OR7C1: variants seen among roughly 807,000 people sequenced by gnomAD.
The protein encoded by OR7C1 is olfactory receptor 7C1.
For synonymous variants in OR7C1, 152 were observed against 160.7 expected, an observed-to-expected ratio of 0.95 and a Z score of 0.41; for missense variants, 324 against 383.3, an observed-to-expected ratio of 0.85 and a Z score of 1.29.
intron 1 of OR7C1, among the ~76,000 whole-genome samples, chr19:14,830,946 A>G (rs568269276): frequency 9.2e-5 from 14 of 152,302 alleles, no homozygotes; most frequent in African/African-American, 2.6e-4. Flanking sequence ...TCAGTACCGC[A>G]CAAAGCCCTC....
chr19:14,801,791 CAGAG>C (rs367838678), intron 2 of OR7C1, among the ~76,000 whole-genome samples: 6 of 151,330 alleles, frequency 4.0e-5, no homozygotes, highest in Admixed American at 1.3e-4. Flanking sequence ...CACATGGCAG[CAGAG>C]AGAGAGAGAG....
At chr19:14,822,288 A>T (rs1014304434) in intron 1 of OR7C1, among the ~76,000 whole-genome samples, 1 of 149,132 alleles carries the variant, frequency 6.7e-6, no homozygotes, top group African/African-American at 2.5e-5. Flanking sequence ...ACTATTTTCT[A>T]TAATGCTTGT....
At chr19:14,798,970 G>T (rs1341612155) in exon 5 of OR7C1, 2 of 523,264 alleles carry the variant, frequency 3.8e-6, no homozygotes, top group Admixed American at 3.8e-5. Context: ...GAAAAGAAAT[G>T]ATTTTGAGGG....
In OR7C1 at chr19:14,812,110, C is replaced by T. The variant is rs527727409; in HGVS notation, c.-622-2117G>A. ...GCTGGGATGGTTCTACTCCATATGT[C>T]TTGTCAGTGGATTAGCAAGGGCATG... On this transcript the variant is annotated intron_variant, in intron 1 of 4. Transcript: ENST00000641666. 1.5e-4 allele frequency among the ~76,000 whole-genome samples: 22 copies of T among 150,198 alleles called. No homozygotes were observed. In the South Asian group the frequency reaches 4.6e-3, roughly 31 times the overall value.
chr19:14,802,795 G>A (rs984810720), intron 2 of OR7C1, among the ~76,000 whole-genome samples: 1 of 152,188 alleles, frequency 6.6e-6, no homozygotes, highest in Non-Finnish European at 1.5e-5. Context: ...TAGAGGTGAA[G>A]CTCTGTCGTT....
exon 5 of OR7C1, chr19:14,799,273 G>A (rs1307273226): frequency 1.2e-6 from 2 of 1,614,128 alleles, no homozygotes; most frequent in South Asian, 2.2e-5. Context: ...GGCTGTAGAT[G>A]AAGGGGTTCA....
chr19:14,814,408 G>A (rs1291936240), intron 1 of OR7C1, among the ~76,000 whole-genome samples: 1 of 151,386 alleles, frequency 6.6e-6, no homozygotes, highest in African/African-American at 2.4e-5. Context: ...CAGGAATATG[G>A]AAAATGCTCC....
intron 1 of OR7C1, among the ~76,000 whole-genome samples, chr19:14,832,526 A>C (rs565624277): frequency 3.7e-3 from 559 of 151,460 alleles, no homozygotes; most frequent in Non-Finnish European, 6.3e-3. Flanking sequence ...TCCTGGGTTC[A>C]AGCGATTCTC....
chr19:14,799,987 G>C (rs2044633082), exon 5 of OR7C1: 2 of 1,614,128 alleles, frequency 1.2e-6, no homozygotes, highest in Non-Finnish European at 1.7e-6. Flanking sequence ...GGGAGTCTGA[G>C]CATATGGCCA....
At chr19:14,817,228 T>C (rs1198611122) in intron 1 of OR7C1, among the ~76,000 whole-genome samples, 1 of 152,140 alleles carries the variant, frequency 6.6e-6, no homozygotes, top group East Asian at 1.9e-4. Flanking sequence ...GTTCAATTGT[T>C]AAGACTCTGC....
At chr19:14,807,261 A>C (rs926761199) in intron 2 of OR7C1, among the ~76,000 whole-genome samples, 3 of 151,928 alleles carry the variant, frequency 2.0e-5, no homozygotes, top group African/African-American at 7.3e-5. Flanking sequence ...GGATCCTGCT[A>C]ATCTTGTAAT....
At chr19:14,826,390 A>G (rs2044768001) in intron 1 of OR7C1, 1 of 152,222 alleles carries the variant, frequency 6.6e-6, no homozygotes, top group Admixed American at 6.5e-5. Flanking sequence ...TATTTTGGTT[A>G]GTGGGATAGA....
At chr19:14,825,693 C>T (rs2044762574) in intron 1 of OR7C1, 1 of 152,306 alleles carries the variant, frequency 6.6e-6, no homozygotes. Flanking sequence ...TAGGTCAGCC[C>T]ACAGCCAACA....
At chr19:14,808,750 C>G (rs1010326629) in intron 2 of OR7C1, among the ~76,000 whole-genome samples, 1 of 151,964 alleles carries the variant, frequency 6.6e-6, no homozygotes, top group Admixed American at 6.6e-5. Context: ...CACAAACGTA[C>G]TTGCATTCAT....
At chr19:14,804,080 G>T (rs1384175709) in intron 2 of OR7C1, among the ~76,000 whole-genome samples, 3 of 152,084 alleles carry the variant, frequency 2.0e-5, no homozygotes, top group Admixed American at 2.0e-4. Context: ...TCCTACCCAG[G>T]ATTGCATGCT....
intron 1 of OR7C1, among the ~76,000 whole-genome samples, chr19:14,819,823 C>T (rs1362682456): frequency 1.3e-5 from 2 of 152,198 alleles, no homozygotes; most frequent in African/African-American, 2.4e-5. Flanking sequence ...TTTTTGTCAA[C>T]TTAATCTCAA....
intron 2 of OR7C1, among the ~76,000 whole-genome samples, chr19:14,804,688 T>C (rs1314011507): frequency 6.6e-6 from 1 of 151,750 alleles, no homozygotes; most frequent in Admixed American, 6.6e-5. Flanking sequence ...TCGCAGGGAC[T>C]GGGGAGCGGG....
chr19:14,830,178 A>G (rs2044817181), intron 1 of OR7C1, among the ~76,000 whole-genome samples: 1 of 152,184 alleles, frequency 6.6e-6, no homozygotes, highest in East Asian at 1.9e-4. Context: ...AAAGCTTTTA[A>G]TATCAGATTC....
chr19:14,808,791 A>T lies in OR7C1; in HGVS notation c.-435+1015T>A, dbSNP rs2147649551. On this transcript the variant is annotated intron_variant, in intron 2 of 4. Transcript: ENST00000641666. ...CTGTAAAATAAAAGTTTTTCCATTT[A>T]TGTAGACACATTTCAACCTAACAGC... is the stretch of plus-strand genomic sequence containing the variant. Among the ~76,000 whole-genome samples the T allele has an allele frequency of 2.0e-5, 3 of 152,128 alleles. 1 individual carries two copies. The Middle Eastern group carries it at 0.01, about 517-fold the overall frequency.
Sources: allele counts gnomAD v4.1 joint callset (sites outside exome capture counted in the v4.1 genomes callset), GRCh38; gene constraint gnomAD v4.1.1; transcripts MANE v1.5; gene names NCBI Gene and HGNC (gene_info 2026-07-23, HGNC 2026-07-21).